The following XPO1 variants were observed in gnomAD, a reference collection of about 807,000 sequenced individuals.
XPO1 encodes exportin-1.
XPO1 carries 5 observed loss-of-function variants against 133.3 expected under a neutral mutation model. The observed-to-expected ratio is 0.04, with a 90% confidence interval of 0.02 to 0.08. XPO1 has a LOEUF of 0.08. XPO1 is among the 10% of genes least tolerant of loss of function. The pLI, the probability that XPO1 is intolerant of heterozygous loss-of-function variation, is 1.00. For missense variants in XPO1, 506 were observed against 1,267.5 expected (o/e 0.40, Z 9.12); for synonymous variants, 419 against 408.2 (o/e 1.03, Z -0.32).
At chr2:61,493,226 T>C in intron 12 of XPO1, 173 bp from the exon 13 acceptor site, 3 of 550,374 alleles carry the variant, frequency 5.5e-6, no homozygotes, top group Non-Finnish European at 8.9e-6. Context: ...AGAACTGTTG[T>C]GGCCAGGAAT....
chr2:61,481,075 G>T, intron 24 of XPO1, 110 bp downstream of exon 24: 1 of 643,508 alleles, frequency 1.6e-6, no homozygotes, highest in Non-Finnish European at 2.5e-6. Context: ...GTATTATCTT[G>T]AAACCCCATT....
rs1696159393 is a variant in XPO1 at position 61,478,306 on chromosome 2, C to T, written c.*514G>A. 4.3e-6 allele frequency: 1 copy of T among 233,740 alleles called. No individual in the cohort carries two copies. The highest frequency in any genetic ancestry group is 8.5e-6 in the Non-Finnish European group (1 of 118,122). The allele number at this position is 233,740 out of a possible 1,614,324, so 14.5% of individuals were successfully genotyped here. ...TCTTGCTGCAATCTTGCCAAAGAGA[C>T]TTTGTAATACATGTAGTCTAGACAA... On this transcript the variant is annotated 3_prime_UTR_variant, in exon 25 of 25. Coordinates refer to ENST00000401558, the MANE Select transcript of XPO1 (RefSeq NM_003400.4).
intron 24 of XPO1, chr2:61,480,161 A>C (rs1174212508): frequency 6.6e-6 from 1 of 152,056 alleles, no homozygotes; most frequent in African/African-American, 2.4e-5. Flanking sequence ...CACTGTGCCC[A>C]GCTAAAAATT....
At chr2:61,524,573 CA>C (rs1193605698) in intron 3 of XPO1, among the ~76,000 whole-genome samples, 1 of 152,174 alleles carries the variant, frequency 6.6e-6, no homozygotes, top group African/African-American at 2.4e-5. Flanking sequence ...CAATCTCTCC[CA>C]GACATAAAGA....
intron 4 of XPO1, among the ~76,000 whole-genome samples, chr2:61,522,017 C>G (rs371989905): frequency 6.6e-6 from 1 of 152,136 alleles, no homozygotes. Flanking sequence ...TTCAGCCTCA[C>G]GAAGTCCTGG....
intron 11 of XPO1, among the ~76,000 whole-genome samples, chr2:61,495,165 T>A (rs895088690): frequency 2.0e-5 from 3 of 152,154 alleles, no homozygotes; most frequent in African/African-American, 7.2e-5. Flanking sequence ...GTTATTTGAA[T>A]TAAAACTGAA....
chr2:61,480,445 A>G (rs1325715149), intron 24 of XPO1: 1 of 151,128 alleles, frequency 6.6e-6, no homozygotes, highest in African/African-American at 2.4e-5. Context: ...ACGCCTGGCT[A>G]ATTTTTGTAT....
chr2:61,529,062 G>A (rs564866147), intron 2 of XPO1, among the ~76,000 whole-genome samples: 1 of 152,082 alleles, frequency 6.6e-6, no homozygotes, highest in East Asian at 1.9e-4. Flanking sequence ...GGTGGGACAC[G>A]CACTTATGGT....
chr2:61,499,919 T>C, intron 6 of XPO1, 25 bp from the exon 7 acceptor site: 2 of 1,593,032 alleles, frequency 1.3e-6, no homozygotes, highest in South Asian at 1.2e-5. Context: ...GAAATGTTAA[T>C]CGCACTTCAT....
chr2:61,485,691 C>T, intron 20 of XPO1, 77 bp downstream of exon 20: 1 of 1,178,246 alleles, frequency 8.5e-7, no homozygotes, highest in East Asian at 2.4e-5. Flanking sequence ...ATGTTATATC[C>T]ACAGACATAC....
Position 61,482,448 on chromosome 2 carries a change from A to G in XPO1, c.2904T>C (p.Val968=), listed in dbSNP as rs1300348186. ...ATTCCTGAAGAAAGATTTGGTTGTTAACTGGATTTCCAGGATTTAATGATG... is the reference window on the plus strand; with the variant it reads ...ATTCCTGAAGAAAGATTTGGTTGTTGACTGGATTTCCAGGATTTAATGATG... ...ISTSLNPGNP[V]NNQIFLQEYV... Residue 968 remains valine, a synonymous_variant, in exon 23 of 25, where the codon GTT becomes GTC. Coordinates refer to ENST00000401558, the MANE Select transcript of XPO1 (RefSeq NM_003400.4). 6.2e-7 allele frequency: 1 copy of G among 1,613,574 alleles called. No individual in the cohort carries two copies. The highest frequency in any genetic ancestry group is 8.5e-7 in the Non-Finnish European group (1 of 1,179,900).
At position 61,503,071 on chromosome 2, in the gene XPO1, T is replaced by G. The variant is rs189871662; in HGVS notation, c.302-761A>C. Among the ~76,000 whole-genome samples the G allele has an allele frequency of 3.2e-4, 48 of 151,666 alleles. 1 individual carries two copies. Among genetic ancestry groups the G allele is most frequent in the Admixed American group, 3.0e-3 (45 of 15,190 alleles). On this transcript the variant is annotated intron_variant, in intron 4 of 24. Transcript: ENST00000401558. ...ACCTCTGCCTCCCAGGTTCAAGTGA[T>G]TCTCCTGCCTCAGGCTCCCGAGTAC...
chr2:61,496,252 T>A (rs889912604), intron 10 of XPO1, among the ~76,000 whole-genome samples: 1 of 152,222 alleles, frequency 6.6e-6, no homozygotes, highest in Non-Finnish European at 1.5e-5. Flanking sequence ...TACCCTGTCA[T>A]CCAGGCTGGA....
chr2:61,538,224 C>G lies in XPO1; in HGVS notation c.-669G>C, dbSNP rs1401429512. ...GATGCTGTAGCTCCCGCTGCTCCTGCCGCGGCCGCTGCAGCCGCTTCTCCC... is the reference window on the plus strand; with the variant it reads ...GATGCTGTAGCTCCCGCTGCTCCTGGCGCGGCCGCTGCAGCCGCTTCTCCC... On this transcript the variant is annotated 5_prime_UTR_variant, in exon 1 of 25. Transcript: ENST00000401558. 5.5e-6 allele frequency: 1 copy of G among 181,028 alleles called. No homozygotes were observed. The highest frequency in any genetic ancestry group is 6.3e-5 in the Admixed American group (1 of 15,984). 11.2% of individuals were successfully genotyped at this position (181,028 alleles called of 1,614,324 possible). A position where few individuals can be genotyped will look rare whatever the true frequency, so the allele number is the denominator to read the frequency against.
intron 20 of XPO1, chr2:61,484,324 G>C: frequency 2.1e-6 from 1 of 470,796 alleles, no homozygotes; most frequent in Non-Finnish European, 3.8e-6. Flanking sequence ...AATTGAAGGA[G>C]AAAGACAACC....
chr2:61,499,994 T>A, intron 6 of XPO1, 100 bp from the exon 7 acceptor site: 4 of 1,176,604 alleles, frequency 3.4e-6, no homozygotes, highest in East Asian at 5.0e-5. Context: ...GGAGTAAGGA[T>A]AAATCACTTT....
intron 10 of XPO1, 56 bp downstream of exon 10, chr2:61,496,823 G>A: frequency 7.1e-7 from 1 of 1,401,474 alleles, no homozygotes; most frequent in Non-Finnish European, 9.4e-7. Flanking sequence ...TTGGAATTTG[G>A]TATTTTCTAA....
Position 61,488,788 on chromosome 2 carries a change from C to T in XPO1, c.2023-17G>A, listed in dbSNP as rs764354011. 6 of 1,610,690 alleles carry T rather than the reference C, an allele frequency of 3.7e-6. No individual in the cohort carries two copies. Among genetic ancestry groups the T allele is most frequent in the Non-Finnish European group, 5.1e-6 (6 of 1,178,436 alleles). On this transcript the variant is annotated splice_polypyrimidine_tract_variant and intron_variant, in intron 17 of 24. Transcript: ENST00000401558. ...ATCCACATTCTTGGAGGAAAAAAAG[C>T]AAATTCCATTTATCATATAAGAATT...
At chr2:61,517,782 T>G (rs537401701) in intron 4 of XPO1, among the ~76,000 whole-genome samples, 4 of 151,066 alleles carry the variant, frequency 2.6e-5, no homozygotes, top group Non-Finnish European at 5.9e-5. Context: ...AAAAAAAAAA[T>G]TTTTTTTAAT....
Sources: allele counts gnomAD v4.1 joint callset (sites outside exome capture counted in the v4.1 genomes callset), GRCh38; gene constraint gnomAD v4.1.1; transcripts MANE v1.5; gene names NCBI Gene and HGNC (gene_info 2026-07-23, HGNC 2026-07-21).